CSMD1: variants seen among roughly 807,000 people sequenced by gnomAD.
CSMD1 encodes CUB and Sushi multiple domains 1, also known as CUB and sushi domain-containing protein 1.
A neutral mutation model predicts 417.5 loss-of-function variants in CSMD1; 213 were observed. The ratio of observed to expected loss-of-function variants is 0.51; its 90% confidence interval spans 0.46 to 0.57. CSMD1 has a LOEUF of 0.57. Among genes scored for constraint, CSMD1 ranks in the 20% least tolerant of loss-of-function variants. The pLI is 0.00. For synonymous variants in CSMD1, 2,862 were observed against 1,736.8 expected, an observed-to-expected ratio of 1.65 and a Z score of -16.11; for missense variants, 6,923 against 4,529.7, an observed-to-expected ratio of 1.53 and a Z score of -15.17.
chr8:3,809,486 A>G (rs1400352555), intron 5 of CSMD1, among the ~76,000 whole-genome samples: 1 of 152,186 alleles, frequency 6.6e-6, no homozygotes, highest in Non-Finnish European at 1.5e-5. Flanking sequence ...GGGCTGCGTG[A>G]TCCTTCAGTT....
Position 4,082,747 on chromosome 8 carries a change from G to A in CSMD1, c.416-50648C>T, listed in dbSNP as rs564651752. ...TCATTTAGCATTAGGTATATCTCCTGATGCTATCCCTCCCCCCTCCCCCCA... is the reference window on the plus strand; with the variant it reads ...TCATTTAGCATTAGGTATATCTCCTAATGCTATCCCTCCCCCCTCCCCCCA... On this transcript the variant is annotated intron_variant, in intron 3 of 69. Coordinates refer to ENST00000635120, the MANE Select transcript of CSMD1 (RefSeq NM_033225.6). Among the ~76,000 whole-genome samples, 197 of 146,402 alleles carry A rather than the reference G, an allele frequency of 1.3e-3. 2 individuals are homozygous for A. The highest frequency in any genetic ancestry group is 6.0e-4 in the Non-Finnish European group (40 of 66,576).
intron 49 of CSMD1, among the ~76,000 whole-genome samples, chr8:3,063,067 A>G (rs2128994637): frequency 6.6e-6 from 1 of 152,314 alleles, no homozygotes; most frequent in East Asian, 1.9e-4. Flanking sequence ...TATGGAACCC[A>G]AGAGTCCCAG....
chr8:3,142,580 T>C lies in CSMD1; in HGVS notation c.6126A>G (p.Gly2042=). 1 of 1,613,984 alleles carries C rather than the reference T, an allele frequency of 6.2e-7. No individual in the cohort carries two copies. The highest frequency in any genetic ancestry group is 1.1e-5 in the South Asian group (1 of 91,076). The part of the protein sequence containing the change: ...NGPYHTSPMI[G]QFSGTDLPAA... The stretch of plus-strand genomic sequence containing the variant: ...CGGGGAGATCCGTGCCGCTAAATTG[T>C]CCAATCATGGGGCTGGTGTGGTAAG... The change falls in exon 41 of 70, where the codon GGA becomes GGG. Residue 2042 remains glycine (G), a synonymous_variant. Transcript: ENST00000635120.
intron 3 of CSMD1, among the ~76,000 whole-genome samples, chr8:4,034,411 G>T (rs72624061): frequency 1.3e-5 from 2 of 152,058 alleles, no homozygotes; most frequent in South Asian, 2.1e-4. Flanking sequence ...ACAGAAAATA[G>T]TTCACTATTG....
At chr8:3,543,939 G>A (rs1342159681) in intron 10 of CSMD1, among the ~76,000 whole-genome samples, 1 of 152,208 alleles carries the variant, frequency 6.6e-6, no homozygotes, top group African/African-American at 2.4e-5. Flanking sequence ...GAAGAGACAG[G>A]AAGTGGCCAA....
At chr8:4,638,963 A>G (rs994999923) in intron 1 of CSMD1, among the ~76,000 whole-genome samples, 3 of 152,172 alleles carry the variant, frequency 2.0e-5, no homozygotes, top group Non-Finnish European at 4.4e-5. Flanking sequence ...ACCCTTGAGT[A>G]AATTGTAGGC....
chr8:4,884,394 A>C (rs531534478), intron 1 of CSMD1, among the ~76,000 whole-genome samples: 1 of 152,058 alleles, frequency 6.6e-6, no homozygotes, highest in South Asian at 2.1e-4. Flanking sequence ...TCCAATATCT[A>C]TATGTATTTT....
At chr8:4,432,515 C>T (rs906870141) in intron 2 of CSMD1, among the ~76,000 whole-genome samples, 13 of 152,264 alleles carry the variant, frequency 8.5e-5, no homozygotes, top group African/African-American at 3.1e-4. Flanking sequence ...GGTAAATGCT[C>T]GGAGTGTGAA....
chr8:4,309,013 T>C (rs952228775), intron 3 of CSMD1, among the ~76,000 whole-genome samples: 1 of 152,308 alleles, frequency 6.6e-6, no homozygotes, highest in Admixed American at 6.5e-5. Context: ...AGAAAATGCA[T>C]AACAGCAAAT....
At chr8:4,681,245 T>C (rs1806032704) in intron 1 of CSMD1, among the ~76,000 whole-genome samples, 1 of 152,114 alleles carries the variant, frequency 6.6e-6, no homozygotes, top group Non-Finnish European at 1.5e-5. Context: ...ACCCTAGATA[T>C]CGATATGAAT....
chr8:4,644,434 GTCTC>G, intron 1 of CSMD1, among the ~76,000 whole-genome samples: 1 of 151,916 alleles, frequency 6.6e-6, no homozygotes, highest in Admixed American at 6.5e-5. Flanking sequence ...TTGAGACAGA[GTCTC>G]TCTCTGTCAC....
At chr8:4,157,674 T>A (rs1209452487) in intron 3 of CSMD1, among the ~76,000 whole-genome samples, 1 of 152,208 alleles carries the variant, frequency 6.6e-6, no homozygotes, top group Non-Finnish European at 1.5e-5. Flanking sequence ...GGTGAGGGCA[T>A]CCCCTCACGC....
At chr8:4,907,294 C>T (rs1269550045) in intron 1 of CSMD1, among the ~76,000 whole-genome samples, 3 of 152,090 alleles carry the variant, frequency 2.0e-5, no homozygotes, top group Non-Finnish European at 4.4e-5. Flanking sequence ...GCATTGATTT[C>T]TACTATAAAA....
chr8:4,917,350 TG>T (rs1188063532), intron 1 of CSMD1, among the ~76,000 whole-genome samples: 4 of 152,192 alleles, frequency 2.6e-5, no homozygotes, highest in Non-Finnish European at 4.4e-5. Context: ...ACATGAGATT[TG>T]GGGCAGGGTG....
At chr8:4,345,409 T>A (rs922599173) in intron 3 of CSMD1, among the ~76,000 whole-genome samples, 6 of 152,104 alleles carry the variant, frequency 3.9e-5, no homozygotes, top group African/African-American at 1.4e-4. Flanking sequence ...CATACATGGA[T>A]ACAATGTATA....
At chr8:4,352,279 GT>G (rs1404960523) in intron 3 of CSMD1, among the ~76,000 whole-genome samples, 1 of 152,172 alleles carries the variant, frequency 6.6e-6, no homozygotes, top group Non-Finnish European at 1.5e-5. Flanking sequence ...GCTCATGAGG[GT>G]TCTTCCAGGT....
At chr8:3,765,930 T>G (rs1584963579) in intron 5 of CSMD1, among the ~76,000 whole-genome samples, 1 of 152,334 alleles carries the variant, frequency 6.6e-6, no homozygotes, top group Non-Finnish European at 1.5e-5. Context: ...GAGAGAAGGC[T>G]GTAAAAATGG....
At chr8:4,319,239 A>AT (rs1320841691) in intron 3 of CSMD1, among the ~76,000 whole-genome samples, 1 of 152,054 alleles carries the variant, frequency 6.6e-6, no homozygotes, top group African/African-American at 2.4e-5. Context: ...CCTGACAGTC[A>AT]TTTTTCCCTT....
At chr8:3,114,188 G>A (rs1241726310) in intron 42 of CSMD1, among the ~76,000 whole-genome samples, 1 of 152,138 alleles carries the variant, frequency 6.6e-6, no homozygotes, top group Non-Finnish European at 1.5e-5. Flanking sequence ...AGGCTACAGT[G>A]AGCAGTGATT....
Sources: gnomAD v4.1 joint callset for allele counts (sites outside exome capture counted in the v4.1 genomes callset) on GRCh38, gnomAD v4.1.1 for gene constraint, MANE v1.5 for transcripts, NCBI Gene and HGNC (gene_info 2026-07-23, HGNC 2026-07-21) for gene names.